The following NYAP2 variants were observed in gnomAD, a reference collection of about 807,000 sequenced individuals.
The protein encoded by NYAP2 is neuronal tyrosine-phosphorylated phosphoinositide-3-kinase adaptor 2, also known as neuronal tyrosine-phosphorylated phosphoinositide-3-kinase adapter 2.
A neutral mutation model predicts 50.4 loss-of-function variants in NYAP2; 23 were observed. That is an observed-to-expected ratio of 0.46 (90% CI 0.33 to 0.65). NYAP2 has a LOEUF of 0.65. NYAP2 is among the 30% of genes least tolerant of loss of function. The pLI, the probability that NYAP2 is intolerant of heterozygous loss-of-function variation, is 0.02. For synonymous variants in NYAP2, 394 were observed against 365.2 expected, an observed-to-expected ratio of 1.08 and a Z score of -0.90; for missense variants, 885 against 861.0, an observed-to-expected ratio of 1.03 and a Z score of -0.35.
intron 3 of NYAP2, among the ~76,000 whole-genome samples, chr2:225,469,506 T>C (rs1305700716): frequency 2.0e-5 from 3 of 152,224 alleles, no homozygotes; most frequent in East Asian, 1.9e-4. Context: ...ACTGGGTATA[T>C]ACCCAAAGGA....
chr2:225,646,090 T>G (rs1693631104), intron 6 of NYAP2, among the ~76,000 whole-genome samples: 1 of 152,224 alleles, frequency 6.6e-6, no homozygotes. Context: ...TTGAGATAAT[T>G]CTTTTGGTCA....
the NYAP2 span, among the ~76,000 whole-genome samples, chr2:225,679,493 G>GTTTTTTTTTTTT: frequency 1.9e-5 from 2 of 103,884 alleles, no homozygotes; most frequent in Non-Finnish European, 3.6e-5. Flanking sequence ...GCTTCTAATT[G>GTTTTTTTTTTTT]TTTTTTTTTT....
At chr2:225,545,116 T>G (rs952496778) in intron 4 of NYAP2, among the ~76,000 whole-genome samples, 1 of 152,226 alleles carries the variant, frequency 6.6e-6, no homozygotes, top group African/African-American at 2.4e-5. Flanking sequence ...TTTAGAATCC[T>G]TTCTTTATCC....
At chr2:225,666,798 T>G in the NYAP2 span, among the ~76,000 whole-genome samples, 1 of 152,008 alleles carries the variant, frequency 6.6e-6, no homozygotes, top group Non-Finnish European at 1.5e-5. Context: ...GAAAAAGATC[T>G]AGCTACCTTA....
chr2:225,560,190 C>A (rs763660617), intron 4 of NYAP2, among the ~76,000 whole-genome samples: 5 of 152,042 alleles, frequency 3.3e-5, no homozygotes, highest in Non-Finnish European at 7.4e-5. Flanking sequence ...ACTTACTTTA[C>A]AAAAATATAA....
At position 225,513,676 on chromosome 2, in the gene NYAP2, A is replaced by C; in HGVS notation, c.523+4A>C. ...AAAACCCCTGAGAGGACTGAAGGTA[A>C]AACACGCCATGTCCATGTCACCTAG... On this transcript the variant is annotated splice_donor_region_variant and intron_variant, in intron 4 of 6. Coordinates refer to ENST00000636099, the Ensembl canonical transcript of NYAP2. The C allele has an allele frequency of 6.7e-7, 1 of 1,498,952 alleles. No individual in the cohort carries two copies. The highest frequency in any genetic ancestry group is 1.4e-5 in the South Asian group (1 of 72,490). The allele number at this position is 1,498,952 out of a possible 1,614,324, so 92.9% of individuals were successfully genotyped here.
intron 3 of NYAP2, among the ~76,000 whole-genome samples, chr2:225,409,808 C>T (rs532034942): frequency 6.6e-6 from 1 of 152,116 alleles, no homozygotes; most frequent in African/African-American, 2.4e-5. Flanking sequence ...TTTCAGTTTG[C>T]CTGTGTGTGT....
intron 6 of NYAP2, among the ~76,000 whole-genome samples, chr2:225,635,028 C>T (rs1013461226): frequency 3.9e-5 from 6 of 152,114 alleles, no homozygotes; most frequent in South Asian, 2.1e-4. Context: ...ACATATTTCC[C>T]GTACTTTACT....
chr2:225,611,636 A>G (rs967342620), intron 5 of NYAP2, among the ~76,000 whole-genome samples: 2 of 151,878 alleles, frequency 1.3e-5, no homozygotes, highest in Non-Finnish European at 2.9e-5. Context: ...CATTATATCT[A>G]TCATCTCTTC....
chr2:225,480,843 A>AT (rs1241076869), intron 3 of NYAP2, among the ~76,000 whole-genome samples: 1 of 152,134 alleles, frequency 6.6e-6, no homozygotes, highest in Non-Finnish European at 1.5e-5. Context: ...GTTTTAAAAA[A>AT]TAGTTGCTAT....
intron 4 of NYAP2, among the ~76,000 whole-genome samples, chr2:225,527,312 G>C (rs191718317): frequency 6.7e-4 from 102 of 152,158 alleles, no homozygotes; most frequent in African/African-American, 2.5e-3. Flanking sequence ...GCTGTGTAAC[G>C]AACTACCACA....
intron 5 of NYAP2, among the ~76,000 whole-genome samples, chr2:225,613,343 T>C (rs1692932315): frequency 6.6e-6 from 1 of 152,110 alleles, no homozygotes; most frequent in Non-Finnish European, 1.5e-5. Context: ...AGCCGGCTTA[T>C]CCCAGCTATT....
chr2:225,466,013 T>A (rs1371573785), intron 3 of NYAP2, among the ~76,000 whole-genome samples: 1 of 152,136 alleles, frequency 6.6e-6, no homozygotes, highest in Non-Finnish European at 1.5e-5. Context: ...GAAGACACCA[T>A]GCCGCTTGCT....
At chr2:225,669,892 G>C in the NYAP2 span, among the ~76,000 whole-genome samples, 1 of 152,140 alleles carries the variant, frequency 6.6e-6, no homozygotes, top group African/African-American at 2.4e-5. Flanking sequence ...AAAGACTCAA[G>C]TTGTTTGAAA....
At chr2:225,567,081 C>T (rs1691974798) in intron 4 of NYAP2, among the ~76,000 whole-genome samples, 1 of 152,098 alleles carries the variant, frequency 6.6e-6, no homozygotes, top group Non-Finnish European at 1.5e-5. Flanking sequence ...CACACCTAGG[C>T]CATAAGGTAG....
At chr2:225,484,466 T>A (rs1690256686) in intron 3 of NYAP2, among the ~76,000 whole-genome samples, 1 of 152,232 alleles carries the variant, frequency 6.6e-6, no homozygotes, top group African/African-American at 2.4e-5. Context: ...TTTAATAATC[T>A]CTATGACAGT....
At chr2:225,629,592 C>T (rs950179596) in intron 6 of NYAP2, among the ~76,000 whole-genome samples, 1 of 152,178 alleles carries the variant, frequency 6.6e-6, no homozygotes, top group African/African-American at 2.4e-5. Flanking sequence ...TACGGTTCTG[C>T]AGGCTGAGAA....
At chr2:225,667,881 A>G in the NYAP2 span, among the ~76,000 whole-genome samples, 2 of 152,212 alleles carry the variant, frequency 1.3e-5, no homozygotes, top group African/African-American at 2.4e-5. Flanking sequence ...AGTTTTTTAA[A>G]ATAATGTCAC....
the NYAP2 span, among the ~76,000 whole-genome samples, chr2:225,680,166 C>G: frequency 6.6e-6 from 1 of 152,166 alleles, no homozygotes; most frequent in East Asian, 1.9e-4. Context: ...TCCAAGGCAT[C>G]AAGTCAAAAC....
Sources: gnomAD v4.1 joint callset for allele counts (sites outside exome capture counted in the v4.1 genomes callset) on GRCh38, gnomAD v4.1.1 for gene constraint, MANE v1.5 for transcripts, NCBI Gene and HGNC (gene_info 2026-07-23, HGNC 2026-07-21) for gene names.